Variants in ADGRF1 observed in about 807,000 individuals in gnomAD.
The protein encoded by ADGRF1 is adhesion G protein-coupled receptor F1, also known as G protein-coupled receptor 110.
In ADGRF1, 85 loss-of-function variants were observed where a neutral mutation model predicts 87.2. The ratio of observed to expected loss-of-function variants is 0.97; its 90% CI spans 0.82 to 1.17. The LOEUF is 1.17. Ranked by LOEUF, ADGRF1 falls within the 50% of genes most tolerant of loss-of-function variation. The pLI is 0.00. For synonymous variants in ADGRF1, 430 were observed against 408.8 expected (o/e 1.05, Z -0.63); for missense variants, 1,169 against 1,077.2 (o/e 1.09, Z -1.19).
chr6:47,022,199 A>G (rs1780079873), intron 5 of ADGRF1, 141 bp from the exon 6 acceptor site: 2 of 565,246 alleles, frequency 3.5e-6, no homozygotes, highest in South Asian at 2.3e-5. Context: ...ATGTTCACCT[A>G]AAATAACACA....
Position 47,029,037 on chromosome 6 carries a change from T to A in ADGRF1, c.25A>T (p.Ile9Phe), listed in dbSNP as rs1376041637. ...CCGTCAGTGAAGGTGAAGAAAGAAA[T>A]GAGCCACAGCACTCCAACTTTCATT... is the stretch of plus-strand genomic sequence containing the variant. The part of the protein sequence containing the change: MKVGVLWL[I>F]SFFTFTDGHG... Residue 9 changes from isoleucine to phenylalanine, a missense_variant, in exon 2 of 15, where the codon ATT becomes TTT. Coordinates refer to ENST00000371253, the MANE Select transcript of ADGRF1 (RefSeq NM_153840.4). 6.2e-7 allele frequency: 1 copy of A among 1,614,060 alleles called. No homozygotes were observed. Among genetic ancestry groups the A allele is most frequent in the Non-Finnish European group, 8.5e-7 (1 of 1,179,982 alleles).
chr6:47,019,731 G>A (rs1779988172), intron 7 of ADGRF1: 2 of 976,816 alleles, frequency 2.0e-6, no homozygotes, highest in South Asian at 4.7e-5. Context: ...ATGTCCTATG[G>A]GTGTTTTTAA....
rs1779893809 is a variant in ADGRF1 at position 47,016,771 on chromosome 6, G to A, written c.612-3C>T. The A allele has an allele frequency of 1.3e-6, 2 of 1,577,498 alleles. No homozygotes were observed. The highest frequency in any genetic ancestry group is 2.3e-5 in the East Asian group (1 of 44,070). ...ACCCAGCAACGATGCTTCCATTTCTGCAGTGATTATGGGGAAAGAGAAATG... is the reference window on the plus strand; with the variant it reads ...ACCCAGCAACGATGCTTCCATTTCTACAGTGATTATGGGGAAAGAGAAATG... On this transcript the variant is annotated splice_region_variant and splice_polypyrimidine_tract_variant and intron_variant, in intron 7 of 14. Transcript: ENST00000371253.
Position 46,998,854 on chromosome 6 carries a change from C to T in ADGRF1, c.*1368G>A, listed in dbSNP as rs1476486542. 1 of 152,208 alleles carries T rather than the reference C, an allele frequency of 6.6e-6. No homozygotes were observed. The highest frequency in any genetic ancestry group is 1.5e-5 in the Non-Finnish European group (1 of 68,042). 9.4% of individuals were successfully genotyped at this position (152,208 alleles called of 1,614,324 possible). A position where few individuals can be genotyped will look rare whatever the true frequency, so the allele number is the denominator to read the frequency against. ...TGATCCTCAGTCATTTCCTTTGAAC[C>T]TCTCACTTTCATATTTCATGTGTGC... On this transcript the variant is annotated 3_prime_UTR_variant, in exon 15 of 15. Transcript: ENST00000371253.
At chr6:47,011,844 A>G (rs1779716191) in intron 10 of ADGRF1, among the ~76,000 whole-genome samples, 163 bp downstream of exon 10, 1 of 152,186 alleles carries the variant, frequency 6.6e-6, no homozygotes, top group Admixed American at 6.5e-5. Context: ...CACACTATTG[A>G]TCCCGAGTTC....
At chr6:47,017,088 G>A (rs985990859) in intron 7 of ADGRF1, 6 of 154,480 alleles carry the variant, frequency 3.9e-5, no homozygotes, top group Non-Finnish European at 8.6e-5. Context: ...ATGCAAAGAA[G>A]AAAAGGCCAG....
At chr6:47,040,425 T>C (rs1780704237) in intron 1 of ADGRF1, among the ~76,000 whole-genome samples, 1 of 151,856 alleles carries the variant, frequency 6.6e-6, no homozygotes, top group Non-Finnish European at 1.5e-5. Context: ...TGAGCCGAGA[T>C]CACGCCACTG....
At chr6:47,005,951 T>A (rs556647977) in intron 12 of ADGRF1, 75 bp from the exon 13 acceptor site, 2 of 877,992 alleles carry the variant, frequency 2.3e-6, no homozygotes, top group Non-Finnish European at 3.6e-6. Flanking sequence ...CAACTGCAGG[T>A]TGAAATGGTT....
At chr6:47,038,895 C>T (rs1044691613) in intron 1 of ADGRF1, among the ~76,000 whole-genome samples, 12 of 152,100 alleles carry the variant, frequency 7.9e-5, no homozygotes, top group African/African-American at 2.9e-4. Flanking sequence ...ATCTAAGAGA[C>T]GAAGCATAGG....
intron 4 of ADGRF1, among the ~76,000 whole-genome samples, chr6:47,025,304 A>C (rs73480746): frequency 0.017 from 2,650 of 152,328 alleles, 84 homozygotes; most frequent in African/African-American, 0.061. Flanking sequence ...AAGTCAAGAC[A>C]AATGAAGAAT....
Position 47,009,565 on chromosome 6 carries a change from G to A in ADGRF1, c.1870C>T (p.Arg624Cys), listed in dbSNP as rs138895375. The change falls in exon 11 of 15, where the codon CGT (arginine) becomes TGT (cysteine). Residue 624 changes from arginine (R) to cysteine (C), a missense_variant. Transcript: ENST00000371253. ...IKKSQTSHTR[R>C]ICMVNIALSL... ...AGGGCTATGTTCACCATGCAAATAC[G>A]ACGTGTGTGAGAGGTTTGGCTTTTT... 466 of 1,614,002 alleles carry A rather than the reference G, an allele frequency of 2.9e-4. No homozygotes were observed. The highest frequency in any genetic ancestry group is 3.8e-4 in the Non-Finnish European group (443 of 1,180,020).
In ADGRF1 at chr6:47,008,116, G is replaced by A. The variant is rs369691730; in HGVS notation, c.2491-822C>T. 2.0e-4 allele frequency among the ~76,000 whole-genome samples: 30 copies of A among 152,302 alleles called. No homozygotes were observed. In the South Asian group the frequency reaches 5.2e-3, roughly 26 times the overall value. ...TTGAGAGACAGAGAGATTAAGCAAT[G>A]TGCTAGAGGTCACACAGTTTGTAAA... On this transcript the variant is annotated intron_variant, in intron 11 of 14. Coordinates refer to ENST00000371253, the MANE Select transcript of ADGRF1 (RefSeq NM_153840.4).
In ADGRF1 at chr6:47,009,117, G is replaced by A. The variant is rs147487769; in HGVS notation, c.2318C>T (p.Thr773Ile). ...ATCCCGACTCAGTCTTTCCCCAACA[G>A]TCGGCCTCCAGAGCTTTGTGAGAAC... Reference protein sequence around the residue: ...LLVLTKLWRPTVGERLSRDDK... With the variant: ...LLVLTKLWRPIVGERLSRDDK... The change falls in exon 11 of 15, where the codon ACT (threonine) becomes ATT (isoleucine). Residue 773 changes from threonine (T) to isoleucine (I), a missense_variant. Physicochemically the swap from Thr to Ile is moderately conservative, Grantham distance 89. Transcript: ENST00000371253. The A allele has an allele frequency of 4.3e-6, 7 of 1,613,988 alleles. No homozygotes were observed. In the African/African-American group the frequency reaches 8.0e-5, roughly 18 times the overall value.
chr6:47,027,294 C>A (rs1240555114), intron 3 of ADGRF1, among the ~76,000 whole-genome samples: 1 of 152,166 alleles, frequency 6.6e-6, no homozygotes, highest in Non-Finnish European at 1.5e-5. Flanking sequence ...GGTATAAAAG[C>A]TATTGTAGAC....
At chr6:47,036,898 A>C (rs1174264069) in intron 1 of ADGRF1, among the ~76,000 whole-genome samples, 1 of 152,174 alleles carries the variant, frequency 6.6e-6, no homozygotes, top group Non-Finnish European at 1.5e-5. Flanking sequence ...CAAACTCAAG[A>C]TCATAGCAGT....
In ADGRF1 at chr6:47,009,472, C is replaced by T. The variant is rs769800523; in HGVS notation, c.1963G>A (p.Gly655Arg). ...ATVDTTVNPS[G>R]VCTAAVFFTH... The stretch of plus-strand genomic sequence containing the variant: ...AAGAACACAGCAGCTGTGCAGACTC[C>T]AGAAGGGTTCACCGTGGTGTCCACT... Residue 655 changes from glycine (G) to arginine (R), a missense_variant, in exon 11 of 15, where the codon GGA (glycine) becomes AGA (arginine). By Grantham distance (125) the Gly-to-Arg change is moderately radical (BLOSUM62 -2). Coordinates refer to ENST00000371253, the MANE Select transcript of ADGRF1 (RefSeq NM_153840.4). 30 of 1,613,792 alleles carry T rather than the reference C, an allele frequency of 1.9e-5. No individual in the cohort carries two copies. The highest frequency in any genetic ancestry group is 3.3e-5 in the South Asian group (3 of 91,042).
chr6:47,041,576 C>A (rs1034675493), intron 1 of ADGRF1, among the ~76,000 whole-genome samples: 2 of 152,056 alleles, frequency 1.3e-5, no homozygotes, highest in East Asian at 1.9e-4. Flanking sequence ...TTTTCAAGGC[C>A]TCTACTAAGA....
At chr6:47,018,294 G>T in intron 7 of ADGRF1, 1 of 876,230 alleles carries the variant, frequency 1.1e-6, no homozygotes, top group Non-Finnish European at 1.5e-6. Context: ...TAACTCATGA[G>T]ATAAGCAGTG....
rs1335270663 is a variant in ADGRF1 at position 47,016,492 on chromosome 6, T to A, written c.763+125A>T. The A allele has an allele frequency of 5.7e-6, 6 of 1,045,370 alleles. No homozygotes were observed. In the African/African-American group the frequency reaches 6.4e-5, roughly 11 times the overall value. 64.8% of individuals were successfully genotyped at this position (1,045,370 alleles called of 1,614,324 possible). On this transcript the variant is annotated intron_variant, in intron 8 of 14. Transcript: ENST00000371253. ...GCTGGGGGAAACAGCTGCCTGTTTG[T>A]GCTGAAAGGCAGTTAGAGAACAATT...
Sources: allele counts gnomAD v4.1 joint callset (sites outside exome capture counted in the v4.1 genomes callset), GRCh38; gene constraint gnomAD v4.1.1; transcripts MANE v1.5; gene names NCBI Gene and HGNC (gene_info 2026-07-23, HGNC 2026-07-21).